Variants in TERB1 observed in about 807,000 individuals in gnomAD.
TERB1 encodes telomere repeat binding bouquet formation protein 1, also known as telomere repeats-binding bouquet formation protein 1.
In TERB1, 63 loss-of-function variants were observed where a neutral mutation model predicts 92.3. That is an observed-to-expected ratio of 0.68 (90% CI 0.56 to 0.84). The LOEUF is 0.84. TERB1 is among the 40% of genes least tolerant of loss of function. The pLI is 0.00. For synonymous variants in TERB1, 252 were observed against 283.9 expected (o/e 0.89, Z 1.13); for missense variants, 709 against 843.7 (o/e 0.84, Z 1.98).
intron 12 of TERB1, among the ~76,000 whole-genome samples, chr16:66,773,546 T>C (rs1164680555): frequency 2.0e-5 from 3 of 152,252 alleles, no homozygotes; most frequent in East Asian, 3.9e-4. Flanking sequence ...TGCCTCACTG[T>C]TGCTTATGCT....
At chr16:66,765,858 T>TC in intron 16 of TERB1, among the ~76,000 whole-genome samples, 1 of 115,750 alleles carries the variant, frequency 8.6e-6, no homozygotes, top group African/African-American at 3.4e-5. Flanking sequence ...TATTTTTTTT[T>TC]TTTTTTTTTT....
At chr16:66,794,273 T>C (rs1324757192) in intron 3 of TERB1, among the ~76,000 whole-genome samples, 2 of 151,450 alleles carry the variant, frequency 1.3e-5, no homozygotes, top group Admixed American at 6.6e-5. Context: ...CTAATTTTTA[T>C]ATTTTTTGTA....
chr16:66,760,456 CAA>C (rs1338924292), intron 16 of TERB1, among the ~76,000 whole-genome samples: 4 of 38,356 alleles, frequency 1.0e-4, no homozygotes, highest in Admixed American at 3.5e-4. Flanking sequence ...GACTCCATCT[CAA>C]AAAAAAAAAA....
chr16:66,799,591 T>C (rs1283588056), intron 2 of TERB1, among the ~76,000 whole-genome samples: 1 of 152,192 alleles, frequency 6.6e-6, no homozygotes, highest in Non-Finnish European at 1.5e-5. Flanking sequence ...TCACCCACAC[T>C]CTTTTCTCCC....
chr16:66,759,211 A>T lies in TERB1; in HGVS notation c.1860T>A (p.Arg620=), dbSNP rs2018187679. Residue 620 remains arginine, a synonymous_variant, in exon 17 of 19, where the codon CGT becomes CGA. Transcript: ENST00000433154. ...CTTCAGCTTCCACAATGACTTTGTG[A>T]CGATCACATTGGTATGGGCAAGAGT... is the stretch of plus-strand genomic sequence containing the variant. The part of the protein sequence containing the change: ...LLHSCPYQCD[R]HKVIVEAEDR... 1 of 1,550,828 alleles carries T rather than the reference A, an allele frequency of 6.4e-7. No homozygotes were observed. The highest frequency in any genetic ancestry group is 8.7e-7 in the Non-Finnish European group (1 of 1,146,746).
intron 12 of TERB1, among the ~76,000 whole-genome samples, chr16:66,774,399 A>G (rs7189828): frequency 0.2 from 28,340 of 143,532 alleles, 5,338 homozygotes; most frequent in African/African-American, 0.5. Flanking sequence ...GTTAGTCAGG[A>G]TGGTCTCAAT....
chr16:66,776,200 A>G (rs2018545423), intron 11 of TERB1, among the ~76,000 whole-genome samples: 1 of 151,566 alleles, frequency 6.6e-6, no homozygotes, highest in Non-Finnish European at 1.5e-5. Flanking sequence ...CTGGTGGCGC[A>G]TGCCTGTAAT....
At chr16:66,759,078 C>G (rs987641697) in intron 17 of TERB1, 63 bp downstream of exon 17, 7 of 1,314,512 alleles carry the variant, frequency 5.3e-6, no homozygotes, top group Middle Eastern at 1.9e-4. Context: ...ATATTTAATG[C>G]TTTAGATAAT....
In TERB1 at chr16:66,776,682, G is replaced by A. The variant is rs2018554280; in HGVS notation, c.985+521C>T. ...GAGAATTGGTAAGAAGGAGTAGATTGAACAGAGGGAGAATGGGAGGAAAGT... is the reference window on the plus strand; with the variant it reads ...GAGAATTGGTAAGAAGGAGTAGATTAAACAGAGGGAGAATGGGAGGAAAGT... On this transcript the variant is annotated intron_variant, in intron 11 of 18. Coordinates refer to ENST00000433154, the MANE Select transcript of TERB1 (RefSeq NM_001136505.2). Among the ~76,000 whole-genome samples the A allele has an allele frequency of 2.0e-5, 3 of 151,896 alleles. No individual in the cohort carries two copies. In the South Asian group the frequency reaches 6.2e-4, roughly 32 times the overall value.
At chr16:66,788,409 A>C in intron 5 of TERB1, 112 bp from the exon 6 acceptor site, 25 of 800,550 alleles carry the variant, frequency 3.1e-5, no homozygotes, top group South Asian at 4.5e-5. Context: ...ACCAAATCTC[A>C]TTTAATTGAT....
chr16:66,794,405 G>A (rs2018891642), intron 3 of TERB1, among the ~76,000 whole-genome samples: 1 of 150,494 alleles, frequency 6.6e-6, no homozygotes, highest in African/African-American at 2.4e-5. Flanking sequence ...TGGTCTGCAA[G>A]AAACTTCTTT....
chr16:66,768,895 C>T (rs973859126), intron 14 of TERB1, among the ~76,000 whole-genome samples: 1 of 151,750 alleles, frequency 6.6e-6, no homozygotes. Context: ...CCTGAGGTCG[C>T]GAGTTCAAGG....
Position 66,777,254 on chromosome 16 carries a change from C to T in TERB1, c.934G>A (p.Gly312Arg), listed in dbSNP as rs1462877993. 2 of 1,551,186 alleles carry T rather than the reference C, an allele frequency of 1.3e-6. No individual in the cohort carries two copies. Among genetic ancestry groups the T allele is most frequent in the Non-Finnish European group, 1.7e-6 (2 of 1,146,612 alleles). ...ALLLHESLDSGEKFSIMLTLG... is the reference protein window; with the variant it reads ...ALLLHESLDSREKFSIMLTLG... Reference sequence around the variant, plus strand: ...GTAAGCATGATGCTAAATTTTTCTCCTGAATCCAGACTTTCATGAAGCAGT... The same window carrying T: ...GTAAGCATGATGCTAAATTTTTCTCTTGAATCCAGACTTTCATGAAGCAGT... Residue 312 changes from glycine (G) to arginine (R), a missense_variant, in exon 11 of 19, where the codon GGA (glycine) becomes AGA (arginine). By Grantham distance (125) the Gly-to-Arg change is moderately radical. Coordinates refer to ENST00000433154, the MANE Select transcript of TERB1 (RefSeq NM_001136505.2).
chr16:66,788,152 T>C lies in TERB1; in HGVS notation c.400+17A>G, dbSNP rs2018758936. On this transcript the variant is annotated intron_variant, in intron 6 of 18. Coordinates refer to ENST00000433154, the MANE Select transcript of TERB1 (RefSeq NM_001136505.2). ...TGATTAAAGTGTTTTCAAATAGTCA[T>C]AAGAGAATGTACTTACTATTATTTG... 7.1e-6 allele frequency: 10 copies of C among 1,410,436 alleles called. No homozygotes were observed. Among genetic ancestry groups the C allele is most frequent in the Non-Finnish European group, 9.4e-6 (10 of 1,060,954 alleles). 87.4% of individuals were successfully genotyped at this position (1,410,436 alleles called of 1,614,324 possible).
intron 9 of TERB1, among the ~76,000 whole-genome samples, chr16:66,785,187 T>C (rs2018708213): frequency 6.6e-6 from 1 of 151,534 alleles, no homozygotes; most frequent in Non-Finnish European, 1.5e-5. Context: ...GCCCAGCTAA[T>C]TGTTGCCAAC....
In TERB1 at chr16:66,772,646, C is replaced by T. The variant is rs771709802; in HGVS notation, c.1215G>A (p.Trp405Ter). 6.4e-7 allele frequency: 1 copy of T among 1,551,492 alleles called. No homozygotes were observed. Among genetic ancestry groups the T allele is most frequent in the Non-Finnish European group, 8.7e-7 (1 of 1,146,678 alleles). Residue 405 changes from tryptophan (W) to a stop codon, truncating the protein, a stop_gained, in exon 13 of 19, where the codon TGG becomes TGA. Coordinates refer to ENST00000433154, the MANE Select transcript of TERB1 (RefSeq NM_001136505.2). LOFTEE classifies it high-confidence loss of function. ...TGTGTAGAATTTCCTTTGCTTTCCT[C>T]CAGTGCTCTTCAAGATTATTCTCCT... is the stretch of plus-strand genomic sequence containing the variant. ...SVKENNLEEH[W>*]RKAKEILHRI...
intron 5 of TERB1, among the ~76,000 whole-genome samples, chr16:66,789,410 CCGT>C (rs2018786474): frequency 2.4e-5 from 2 of 81,958 alleles, no homozygotes; most frequent in Non-Finnish European, 4.4e-5. Context: ...CGGTGAAACC[CCGT>C]CTCTACTAAA....
At chr16:66,766,524 A>G (rs1415408390) in intron 16 of TERB1, among the ~76,000 whole-genome samples, 2 of 152,234 alleles carry the variant, frequency 1.3e-5, no homozygotes, top group Non-Finnish European at 2.9e-5. Flanking sequence ...TGCAGAAAAA[A>G]CAAATAATGA....
chr16:66,759,220 T>G lies in TERB1; in HGVS notation c.1851A>C (p.Gln617His). The change falls in exon 17 of 19, where the codon CAA (glutamine) becomes CAC (histidine). Residue 617 changes from glutamine (Q) to histidine (H), a missense_variant. Physicochemically the swap from Gln to His is conservative, Grantham distance 24. Coordinates refer to ENST00000433154, the MANE Select transcript of TERB1 (RefSeq NM_001136505.2). ...CCACAATGACTTTGTGACGATCACATTGGTATGGGCAAGAGTGCAAGAGCT... is the reference window on the plus strand; with the variant it reads ...CCACAATGACTTTGTGACGATCACAGTGGTATGGGCAAGAGTGCAAGAGCT... ...FSKLLHSCPYQCDRHKVIVEA... is the reference protein window; with the variant it reads ...FSKLLHSCPYHCDRHKVIVEA... 6.4e-7 allele frequency: 1 copy of G among 1,551,144 alleles called. No homozygotes were observed. The highest frequency in any genetic ancestry group is 8.7e-7 in the Non-Finnish European group (1 of 1,146,774).
Sources: gnomAD v4.1 joint callset for allele counts (sites outside exome capture counted in the v4.1 genomes callset) on GRCh38, gnomAD v4.1.1 for gene constraint, MANE v1.5 for transcripts, NCBI Gene and HGNC (gene_info 2026-07-23, HGNC 2026-07-21) for gene names.